Variants in CSMD3 observed in about 807,000 individuals in gnomAD.
CSMD3 encodes the protein CUB and sushi domain-containing protein 3.
In CSMD3, 177 loss-of-function variants were observed where a neutral mutation model predicts 435.2. The ratio of observed to expected loss-of-function variants is 0.41; its 90% CI spans 0.36 to 0.46. The LOEUF (loss-of-function observed/expected upper bound fraction) is 0.46. Ranked by LOEUF, CSMD3 falls within the 20% of genes least tolerant of loss-of-function variation. The pLI is 0.34. For synonymous variants in CSMD3, 1,656 were observed against 1,520.5 expected (o/e 1.09, Z -2.07); for missense variants, 4,265 against 4,504.6 (o/e 0.95, Z 1.52).
chr8:112,686,486 A>AT (rs763068444), intron 14 of CSMD3, among the ~76,000 whole-genome samples: 24,281 of 141,476 alleles, frequency 0.17, 2,286 homozygotes, highest in Middle Eastern at 0.32. Context: ...TTTTCATTAC[A>AT]TTTTTTTTTT....
chr8:112,609,092 C>T (rs2131457073), intron 22 of CSMD3, among the ~76,000 whole-genome samples: 1 of 149,628 alleles, frequency 6.7e-6, no homozygotes, highest in East Asian at 2.0e-4. Context: ...ATCCCAGCTA[C>T]TCAGGAGGCT....
intron 2 of CSMD3, among the ~76,000 whole-genome samples, chr8:113,306,484 A>T (rs1048587314): frequency 3.3e-5 from 5 of 152,108 alleles, no homozygotes; most frequent in African/African-American, 1.2e-4. Context: ...TGTTTCTATG[A>T]CCTAAGGCAT....
At chr8:112,430,776 T>A (rs1473224957) in intron 32 of CSMD3, among the ~76,000 whole-genome samples, 1 of 152,044 alleles carries the variant, frequency 6.6e-6, no homozygotes, top group Non-Finnish European at 1.5e-5. Context: ...TAGAGATTGA[T>A]GGTGCGGACT....
intron 6 of CSMD3, among the ~76,000 whole-genome samples, chr8:112,983,720 A>G (rs909987643): frequency 2.6e-5 from 4 of 151,802 alleles, no homozygotes; most frequent in African/African-American, 7.3e-5. Flanking sequence ...GGCATTTATC[A>G]TAAGTTGATA....
At chr8:113,258,397 C>T (rs1287150240) in intron 3 of CSMD3, among the ~76,000 whole-genome samples, 1 of 152,130 alleles carries the variant, frequency 6.6e-6, no homozygotes, top group East Asian at 1.9e-4. Flanking sequence ...CCCTTTCAAT[C>T]ATAGCAATAT....
chr8:113,430,030 AT>A (rs1054962991), intron 1 of CSMD3, among the ~76,000 whole-genome samples: 6 of 152,048 alleles, frequency 3.9e-5, no homozygotes, highest in African/African-American at 9.7e-5. Flanking sequence ...GAGAGGTAGC[AT>A]TTTTTTCTTT....
At chr8:112,999,672 G>A (rs1018177850) in intron 6 of CSMD3, among the ~76,000 whole-genome samples, 2 of 151,550 alleles carry the variant, frequency 1.3e-5, no homozygotes, top group Non-Finnish European at 2.9e-5. Flanking sequence ...CCAAGCAGGA[G>A]AAGGTGATGG....
chr8:112,901,808 C>T (rs1432958659), intron 10 of CSMD3, among the ~76,000 whole-genome samples: 1 of 151,214 alleles, frequency 6.6e-6, no homozygotes, highest in Non-Finnish European at 1.5e-5. Context: ...GATACAGGCA[C>T]CTCAGTTACC....
intron 27 of CSMD3, 48 bp downstream of exon 27, chr8:112,550,623 A>T (rs2131187780): frequency 2.0e-6 from 2 of 989,276 alleles, no homozygotes; most frequent in Non-Finnish European, 3.3e-6. Flanking sequence ...ATGACTATTT[A>T]CATCACCTTC....
chr8:112,301,177 A>G (rs1279153341), intron 53 of CSMD3, among the ~76,000 whole-genome samples: 3 of 152,030 alleles, frequency 2.0e-5, no homozygotes, highest in African/African-American at 7.2e-5. Flanking sequence ...GAAAAAGGAG[A>G]TAAAGCATAA....
At chr8:112,671,103 G>C (rs1285922340) in intron 16 of CSMD3, among the ~76,000 whole-genome samples, 1 of 152,102 alleles carries the variant, frequency 6.6e-6, no homozygotes, top group Non-Finnish European at 1.5e-5. Flanking sequence ...TAAATTCCTA[G>C]GTTTTAGTGG....
intron 2 of CSMD3, among the ~76,000 whole-genome samples, chr8:113,285,165 C>A (rs963326443): frequency 6.6e-6 from 1 of 151,728 alleles, no homozygotes; most frequent in Non-Finnish European, 1.5e-5. Context: ...CACATCACAA[C>A]TTTAAGTAGT....
At chr8:112,842,711 A>G (rs2080214868) in intron 11 of CSMD3, among the ~76,000 whole-genome samples, 2 of 151,864 alleles carry the variant, frequency 1.3e-5, no homozygotes, top group South Asian at 4.1e-4. Flanking sequence ...ATATACAACT[A>G]GGTACTTTTT....
intron 2 of CSMD3, among the ~76,000 whole-genome samples, chr8:113,300,552 T>C (rs958670427): frequency 4.6e-5 from 7 of 152,100 alleles, no homozygotes; most frequent in Non-Finnish European, 8.8e-5. Flanking sequence ...CTGGATACAG[T>C]TGGAGGCCAT....
At chr8:112,547,418 C>T (rs1827277326) in intron 27 of CSMD3, among the ~76,000 whole-genome samples, 1 of 151,922 alleles carries the variant, frequency 6.6e-6, no homozygotes, top group African/African-American at 2.4e-5. Context: ...AAGTGTGGTG[C>T]ACACCTGTAG....
At chr8:113,410,816 G>A (rs1021329104) in intron 1 of CSMD3, among the ~76,000 whole-genome samples, 5 of 150,948 alleles carry the variant, frequency 3.3e-5, no homozygotes, top group South Asian at 2.1e-4. Context: ...TTAGGTGGAG[G>A]ATCGCTTAAG....
intron 67 of CSMD3, among the ~76,000 whole-genome samples, chr8:112,234,868 G>A (rs1300052619): frequency 6.6e-6 from 1 of 152,070 alleles, no homozygotes; most frequent in African/African-American, 2.4e-5. Flanking sequence ...CAAATTAGTT[G>A]CCAACTCAGT....
At chr8:113,334,754 A>G (rs1239649641) in intron 1 of CSMD3, among the ~76,000 whole-genome samples, 2 of 152,022 alleles carry the variant, frequency 1.3e-5, no homozygotes, top group African/African-American at 4.8e-5. Context: ...TTATAGGGCT[A>G]TTTGCAATAT....
intron 22 of CSMD3, among the ~76,000 whole-genome samples, chr8:112,634,942 G>T (rs980607672): frequency 1.3e-5 from 2 of 151,768 alleles, no homozygotes; most frequent in Non-Finnish European, 2.9e-5. Context: ...ATGATCTTGG[G>T]CAAGTTATTT....
Sources: gnomAD v4.1 joint callset for allele counts (sites outside exome capture counted in the v4.1 genomes callset) on GRCh38, gnomAD v4.1.1 for gene constraint, MANE v1.5 for transcripts, NCBI Gene and HGNC (gene_info 2026-07-23, HGNC 2026-07-21) for gene names.